Variants in TP73 observed in about 807,000 individuals in gnomAD.
TP73 encodes the protein p53-like transcription factor.
A neutral mutation model predicts 62.5 loss-of-function variants in TP73; 25 were observed. That is an observed-to-expected ratio of 0.40 (90% CI 0.29 to 0.56). The LOEUF (loss-of-function observed/expected upper bound fraction) is 0.56. Ranked by LOEUF, TP73 falls within the 20% of genes least tolerant of loss-of-function variation. The pLI is 0.46. For synonymous variants in TP73, 423 were observed against 377.5 expected (o/e 1.12, Z -1.40); for missense variants, 754 against 913.3 (o/e 0.83, Z 2.25).
chr1:3,680,015 GTCTC>G (rs761935426), intron 1 of TP73, among the ~76,000 whole-genome samples: 54 of 147,668 alleles, frequency 3.7e-4, no homozygotes, highest in African/African-American at 9.5e-4. Flanking sequence ...CTTTGTCCTT[GTCTC>G]TCTCTCTCTG....
chr1:3,707,692 G>T lies in TP73; in HGVS notation c.330G>T (p.Ser110=). ...CCAGCTCCACCTTCGACACCATGTC[G>T]CCGGCGCCTGTCATCCCCTCCAACA... is the stretch of plus-strand genomic sequence containing the variant. ...AQPSSTFDTM[S]PAPVIPSNTD... Residue 110 remains serine (S), a synonymous_variant, in exon 4 of 14, where the codon TCG becomes TCT. Coordinates refer to ENST00000378295, the MANE Select transcript of TP73 (RefSeq NM_005427.4). The T allele has an allele frequency of 6.2e-7, 1 of 1,613,174 alleles. No homozygotes were observed. Among genetic ancestry groups the T allele is most frequent in the Non-Finnish European group, 8.5e-7 (1 of 1,179,954 alleles).
chr1:3,685,757 T>C (rs1044748548), intron 3 of TP73, among the ~76,000 whole-genome samples: 2 of 152,150 alleles, frequency 1.3e-5, no homozygotes, highest in African/African-American at 4.8e-5. Flanking sequence ...CTGGGGGGCA[T>C]TGTTTTAAAG....
chr1:3,682,737 G>A (rs887616101), intron 2 of TP73, among the ~76,000 whole-genome samples: 1 of 152,252 alleles, frequency 6.6e-6, no homozygotes, highest in Non-Finnish European at 1.5e-5. Context: ...CGGAGGGGCA[G>A]GGAAGAGGGA....
At chr1:3,693,227 T>C (rs1164208318) in intron 3 of TP73, among the ~76,000 whole-genome samples, 1 of 152,236 alleles carries the variant, frequency 6.6e-6, no homozygotes, top group Admixed American at 6.5e-5. Flanking sequence ...TGACCTCATC[T>C]TACTGCAGGA....
chr1:3,720,951 T>G (rs1218358356), intron 4 of TP73, among the ~76,000 whole-genome samples: 3 of 152,214 alleles, frequency 2.0e-5, no homozygotes, highest in African/African-American at 7.2e-5. Context: ...GACTTGTGAT[T>G]CTGAGTCATC....
At position 3,732,985 on chromosome 1, in the gene TP73, C is replaced by A; in HGVS notation, c.1817C>A (p.Pro606His). 1.3e-5 allele frequency: 20 copies of A among 1,593,312 alleles called. No homozygotes were observed. The highest frequency in any genetic ancestry group is 1.7e-5 in the Non-Finnish European group (20 of 1,173,126). Residue 606 changes from proline to histidine, a missense_variant, in exon 14 of 14, where the codon CCT (proline) becomes CAT (histidine). Around this residue, in one of 3 missense-constraint regions of TP73, gnomAD observed 458 missense variants for 528.7 expected, o/e 0.87. Transcript: ENST00000378295. ...IPNRGGPGGG[P>H]DEWADFGFDL... ...AACCGCGGCGGCCCAGGCGGCGGCC[C>A]TGACGAGTGGGCGGACTTCGGCTTC...
intron 6 of TP73, among the ~76,000 whole-genome samples, chr1:3,724,034 G>T (rs1055990880): frequency 6.6e-6 from 1 of 152,158 alleles, no homozygotes; most frequent in African/African-American, 2.4e-5. Context: ...CCACGTGGGT[G>T]GGGGGTGCAG....
chr1:3,666,124 C>CAAAAAAAA lies in TP73; in HGVS notation c.-34+13503_-34+13510dup. On this transcript the variant is annotated intron_variant, in intron 1 of 13. Coordinates refer to ENST00000378295, the MANE Select transcript of TP73 (RefSeq NM_005427.4). The surrounding 1 kb of genome is among the most constrained non-coding windows in gnomAD (Gnocchi z 6.4). ...GGGCAACAAGAGCAAAACTCTGTCT[C>CAAAAAAAA]AAAAAAAAAAAAAAAAAAAAAAAAA... Among the ~76,000 whole-genome samples the CAAAAAAAA allele has an allele frequency of 2.4e-5, 1 of 41,066 alleles. No homozygotes were observed. The highest frequency in any genetic ancestry group is 4.5e-5 in the Non-Finnish European group (1 of 22,134). 26.9% of individuals were successfully genotyped at this position (41,066 alleles called of 152,430 possible).
chr1:3,728,105 C>T (rs2236367), intron 8 of TP73, 24 bp from the exon 9 acceptor site: 99,341 of 1,598,898 alleles, frequency 0.062, 3,677 homozygotes, highest in South Asian at 0.13. Context: ...CTGCTCACCC[C>T]GCCTGCCCTG....
intron 3 of TP73, among the ~76,000 whole-genome samples, chr1:3,691,985 G>A (rs755871809): frequency 7.9e-5 from 12 of 151,940 alleles, no homozygotes; most frequent in Admixed American, 7.2e-4. Flanking sequence ...ATTGGTGTGC[G>A]TGCATGTGTG....
intron 1 of TP73, among the ~76,000 whole-genome samples, chr1:3,679,016 G>C (rs1645442555): frequency 6.6e-6 from 1 of 152,206 alleles, no homozygotes; most frequent in Non-Finnish European, 1.5e-5. Context: ...GGTGGGATCG[G>C]GGACCCACGA....
At chr1:3,689,049 G>A (rs1219057419) in intron 3 of TP73, among the ~76,000 whole-genome samples, 6 of 152,126 alleles carry the variant, frequency 3.9e-5, no homozygotes, top group African/African-American at 1.2e-4. Flanking sequence ...CCCAGGCCCC[G>A]CCTCGGCCCT....
intron 1 of TP73, chr1:3,659,559 C>T (rs1457274412): frequency 1.3e-5 from 2 of 152,124 alleles, no homozygotes; most frequent in African/African-American, 2.4e-5. Flanking sequence ...GATAACAAAA[C>T]CCCAAAGACG....
In TP73 at chr1:3,689,390, C is replaced by T. The variant is rs3765723; in HGVS notation, c.186+6210C>T. On this transcript the variant is annotated intron_variant, in intron 3 of 13. Coordinates refer to ENST00000378295, the MANE Select transcript of TP73 (RefSeq NM_005427.4). The stretch of plus-strand genomic sequence containing the variant: ...ATCCTCTGCCACAGGAAGAGACGGG[C>T]GTCCAGGACTCACCTGCTGCCTCCC... Among the ~76,000 whole-genome samples, 142 of 152,322 alleles carry T rather than the reference C, an allele frequency of 9.3e-4. 2 individuals carry two copies. In the East Asian group the frequency reaches 0.024, roughly 26 times the overall value.
intron 3 of TP73, among the ~76,000 whole-genome samples, chr1:3,706,336 G>A (rs1475209023): frequency 6.6e-6 from 1 of 150,810 alleles, no homozygotes; most frequent in African/African-American, 2.5e-5. Flanking sequence ...CCTGGGGAGA[G>A]GGGTAATAGG....
chr1:3,713,098 C>T (rs536779321), intron 4 of TP73, among the ~76,000 whole-genome samples: 5 of 152,346 alleles, frequency 3.3e-5, no homozygotes, highest in South Asian at 4.1e-4. Flanking sequence ...GGAGCCCAGG[C>T]TGTACCTTGG....
intron 1 of TP73, among the ~76,000 whole-genome samples, chr1:3,671,012 C>G (rs1335930479): frequency 6.6e-6 from 1 of 152,190 alleles, no homozygotes; most frequent in Non-Finnish European, 1.5e-5. Context: ...ACCAGCGTCT[C>G]TTAAATGGGG....
In TP73 at chr1:3,662,985, G is replaced by A. The variant is rs1645030416; in HGVS notation, c.-34+10344G>A. Among the ~76,000 whole-genome samples, 1 of 152,262 alleles carries A rather than the reference G, an allele frequency of 6.6e-6. No homozygotes were observed. The highest frequency in any genetic ancestry group is 2.1e-4 in the South Asian group (1 of 4,836). ...TGTTGCCCTTTGGGCACTGGCATGA[G>A]TAATCTGAGGGCGGCGCTTTCCTCA... On this transcript the variant is annotated intron_variant, in intron 1 of 13. Transcript: ENST00000378295. The surrounding 1 kb of genome is among the most constrained non-coding windows in gnomAD (Gnocchi z 4.4).
rs550716365 is a variant in TP73 at position 3,670,236 on chromosome 1, G to C, written c.-33-12097G>C. Among the ~76,000 whole-genome samples, 1 of 152,210 alleles carries C rather than the reference G, an allele frequency of 6.6e-6. No homozygotes were observed. The highest frequency in any genetic ancestry group is 2.4e-5 in the African/African-American group (1 of 41,512). On this transcript the variant is annotated intron_variant, in intron 1 of 13. Transcript: ENST00000378295. The surrounding 1 kb of genome is among the most constrained non-coding windows in gnomAD (Gnocchi z 5.9). ...GACCACATGGGCACAGGTAAGGCAG[G>C]GATGATGATGGGGCCGGGGGACCAC...
Sources: gnomAD v4.1 joint callset for allele counts (sites outside exome capture counted in the v4.1 genomes callset) on GRCh38, gnomAD v4.1.1 for gene constraint, gnomAD v4.1.1 regional missense constraint, Gnocchi (gnomAD v3.1) non-coding constraint, MANE v1.5 for transcripts, NCBI Gene and HGNC (gene_info 2026-07-23, HGNC 2026-07-21) for gene names.